TRIM9: variants seen among roughly 807,000 people sequenced by gnomAD.
TRIM9 encodes E3 ubiquitin-protein ligase TRIM9.
TRIM9 carries 26 observed loss-of-function variants against 78.3 expected under a neutral mutation model. That is an observed-to-expected ratio of 0.33 (90% CI 0.24 to 0.46). The LOEUF (loss-of-function observed/expected upper bound fraction) is 0.46, where lower values mean the gene tolerates loss of function less well. Among genes scored for constraint, TRIM9 ranks in the 20% least tolerant of loss-of-function variants. TRIM9 has a pLI of 1.00. For synonymous variants in TRIM9, 398 were observed against 416.5 expected, an observed-to-expected ratio of 0.96 and a Z score of 0.54; for missense variants, 787 against 1,036.4, an observed-to-expected ratio of 0.76 and a Z score of 3.30.
At chr14:51,012,102 C>T (rs947796453) in intron 3 of TRIM9, among the ~76,000 whole-genome samples, 3 of 152,182 alleles carry the variant, frequency 2.0e-5, no homozygotes, top group Non-Finnish European at 4.4e-5. Context: ...CCACTGTAAC[C>T]ATTTTCAAGT....
At chr14:51,093,960 T>C (rs112359559) in intron 1 of TRIM9, among the ~76,000 whole-genome samples, 158 bp downstream of exon 1, 2,635 of 152,342 alleles carry the variant, frequency 0.017, 78 homozygotes, top group African/African-American at 0.056. Flanking sequence ...GATTCCCCCA[T>C]GCCTCCTGCA....
intron 1 of TRIM9, among the ~76,000 whole-genome samples, chr14:51,050,582 G>T (rs1165750851): frequency 6.6e-6 from 1 of 152,160 alleles, no homozygotes; most frequent in African/African-American, 2.4e-5. Flanking sequence ...CCCTCCAACA[G>T]CAGAGGGTCT....
At position 51,054,997 on chromosome 14, in the gene TRIM9, T is replaced by C. The variant is rs572383558; in HGVS notation, c.823-29637A>G. On this transcript the variant is annotated intron_variant, in intron 1 of 12. Coordinates refer to ENST00000684578, the MANE Select transcript of TRIM9 (RefSeq NM_001387360.1). ...AGCGCGCGCCACCAGGCCCAGCTAATTTTTGCATTTTCAGAGACAGGTTTC... is the reference window on the plus strand; with the variant it reads ...AGCGCGCGCCACCAGGCCCAGCTAACTTTTGCATTTTCAGAGACAGGTTTC... Among the ~76,000 whole-genome samples the C allele has an allele frequency of 1.2e-3, 176 of 151,416 alleles. 1 individual carries two copies. In the Middle Eastern group the frequency reaches 0.027, roughly 23 times the overall value.
Position 50,989,922 on chromosome 14 carries a change from T to G in TRIM9, c.1604-3778A>C, listed in dbSNP as rs149120253. 1.5e-3 allele frequency among the ~76,000 whole-genome samples: 236 copies of G among 152,286 alleles called. 1 individual carries two copies. Among genetic ancestry groups the G allele is most frequent in the African/African-American group, 5.4e-3 (225 of 41,564 alleles). ...TCTGCTTAAAAAAAGCAATCAAGAA[T>G]CAACAAAGCAAAGATTGGCTGGGGA... On this transcript the variant is annotated intron_variant, in intron 7 of 12. Transcript: ENST00000684578.
intron 3 of TRIM9, among the ~76,000 whole-genome samples, chr14:51,019,007 T>C (rs1228494714): frequency 2.0e-5 from 3 of 152,210 alleles, no homozygotes; most frequent in African/African-American, 7.2e-5. Context: ...TTCAGATATG[T>C]CTTTGGGCTT....
intron 1 of TRIM9, among the ~76,000 whole-genome samples, chr14:51,091,501 C>A (rs764244847): frequency 3.3e-5 from 5 of 152,112 alleles, no homozygotes; most frequent in Non-Finnish European, 2.9e-5. Context: ...GAAATTCTGG[C>A]CCATGGGCTT....
At chr14:51,006,972 C>T (rs2055891285) in intron 5 of TRIM9, among the ~76,000 whole-genome samples, 1 of 152,196 alleles carries the variant, frequency 6.6e-6, no homozygotes, top group African/African-American at 2.4e-5. Flanking sequence ...GGCCTGTTCA[C>T]TCCAGCTCAA....
chr14:51,058,827 A>G (rs1036172102), intron 1 of TRIM9, among the ~76,000 whole-genome samples: 4 of 152,252 alleles, frequency 2.6e-5, no homozygotes, highest in Non-Finnish European at 5.9e-5. Flanking sequence ...GGGATTTGTT[A>G]TAAGCTTTTG....
chr14:51,066,893 A>T (rs1184948123), intron 1 of TRIM9, among the ~76,000 whole-genome samples: 5 of 152,084 alleles, frequency 3.3e-5, no homozygotes, highest in Non-Finnish European at 5.9e-5. Context: ...ACAAAAGTAT[A>T]CTCTTAAATT....
At chr14:51,011,320 T>C (rs1240320344) in intron 3 of TRIM9, among the ~76,000 whole-genome samples, 1 of 152,230 alleles carries the variant, frequency 6.6e-6, no homozygotes, top group Non-Finnish European at 1.5e-5. Flanking sequence ...ATTTGTCATT[T>C]GTGTCCTCTG....
chr14:51,056,929 C>T (rs1248255844), intron 1 of TRIM9, among the ~76,000 whole-genome samples: 2 of 152,180 alleles, frequency 1.3e-5, no homozygotes, highest in African/African-American at 4.8e-5. Flanking sequence ...ATAGAGATTT[C>T]AGGCAATATC....
rs148022505 is a variant in TRIM9, at chr14:51,070,154, A to C, written c.822+23964T>G. Among the ~76,000 whole-genome samples, 510 of 152,320 alleles carry C rather than the reference A, an allele frequency of 3.3e-3. 3 individuals carry two copies. The highest frequency in any genetic ancestry group is 5.1e-3 in the Non-Finnish European group (348 of 68,030). ...TTAAATGGCCCCAAACACAATCCTT[A>C]AATGCTGTCTAGCATTCCTAAGCAC... On this transcript the variant is annotated intron_variant, in intron 1 of 12. Coordinates refer to ENST00000684578, the MANE Select transcript of TRIM9 (RefSeq NM_001387360.1).
At chr14:51,079,054 CTTGA>C (rs1267057515) in intron 1 of TRIM9, among the ~76,000 whole-genome samples, 1 of 152,124 alleles carries the variant, frequency 6.6e-6, no homozygotes, top group Non-Finnish European at 1.5e-5. Flanking sequence ...ATAAAATGCT[CTTGA>C]TTAATTTTTG....
At chr14:50,981,766 G>T (rs566558621) in intron 11 of TRIM9, 34 bp downstream of exon 11, 2 of 1,611,248 alleles carry the variant, frequency 1.2e-6, no homozygotes, top group African/African-American at 2.7e-5. Context: ...AGAAGCCAAC[G>T]TGAAGAAGGC....
chr14:51,065,504 AT>A (rs1368525566), intron 1 of TRIM9, among the ~76,000 whole-genome samples: 1 of 152,218 alleles, frequency 6.6e-6, no homozygotes, highest in Non-Finnish European at 1.5e-5. Flanking sequence ...GTCAAGGTTC[AT>A]TTCTGAAAAG....
At chr14:51,091,111 A>T (rs1435763663) in intron 1 of TRIM9, 1 of 152,190 alleles carries the variant, frequency 6.6e-6, no homozygotes, top group Non-Finnish European at 1.5e-5. Context: ...CTGCTACCAA[A>T]TATTTGACTT....
At chr14:51,025,401 G>A in intron 1 of TRIM9, 41 bp from the exon 2 acceptor site, 1 of 1,600,778 alleles carries the variant, frequency 6.2e-7, no homozygotes, top group Non-Finnish European at 8.6e-7. Context: ...TGTAATCACA[G>A]GATACACCAA....
At chr14:51,041,326 A>G (rs2059562354) in intron 1 of TRIM9, among the ~76,000 whole-genome samples, 1 of 152,262 alleles carries the variant, frequency 6.6e-6, no homozygotes, top group Non-Finnish European at 1.5e-5. Flanking sequence ...TGCACATGCA[A>G]GGGCGGGTTA....
intron 3 of TRIM9, among the ~76,000 whole-genome samples, chr14:51,020,375 G>T (rs937943074): frequency 6.6e-6 from 1 of 152,176 alleles, no homozygotes. Context: ...GCTGAAAACA[G>T]CAGAAAAACA....
Sources: gnomAD v4.1 joint callset for allele counts (sites outside exome capture counted in the v4.1 genomes callset) on GRCh38, gnomAD v4.1.1 for gene constraint, MANE v1.5 for transcripts, NCBI Gene and HGNC (gene_info 2026-07-23, HGNC 2026-07-21) for gene names.